Variants in C10orf90 observed in about 807,000 individuals in gnomAD.
C10orf90 encodes chromosome 10 open reading frame 90.
In C10orf90, 56 loss-of-function variants were observed where a neutral mutation model predicts 62.5. That is an observed-to-expected ratio of 0.90 (90% CI 0.72 to 1.12). The LOEUF (loss-of-function observed/expected upper bound fraction) is 1.12, where lower values mean the gene tolerates loss of function less well. Among genes scored for constraint, C10orf90 ranks in the 50% most tolerant of loss-of-function variants. C10orf90 has a pLI of 0.00. For missense variants in C10orf90, 970 were observed against 880.4 expected, an observed-to-expected ratio of 1.10 and a Z score of -1.29; for synonymous variants, 386 against 340.4, an observed-to-expected ratio of 1.13 and a Z score of -1.47.
intron 6 of C10orf90, among the ~76,000 whole-genome samples, chr10:126,459,865 A>G (rs1859850471): frequency 1.3e-5 from 2 of 152,158 alleles, no homozygotes; most frequent in African/African-American, 2.4e-5. Context: ...AAGTCTCCTG[A>G]ACAAGACTAA....
At chr10:126,433,131 T>G (rs1857689629) in intron 7 of C10orf90, among the ~76,000 whole-genome samples, 1 of 152,032 alleles carries the variant, frequency 6.6e-6, no homozygotes, top group Non-Finnish European at 1.5e-5. Context: ...GAAACTGAGT[T>G]GTAAGGGCCA....
intron 2 of C10orf90, among the ~76,000 whole-genome samples, chr10:126,519,613 T>A (rs1276938612): frequency 6.6e-6 from 1 of 152,220 alleles, no homozygotes; most frequent in Admixed American, 6.5e-5. Context: ...ACCATCCTTT[T>A]AAAAATACTC....
intron 1 of C10orf90, among the ~76,000 whole-genome samples, chr10:126,656,017 G>T (rs1846389464): frequency 6.6e-6 from 1 of 151,968 alleles, no homozygotes; most frequent in Admixed American, 6.6e-5. Flanking sequence ...CCTTTTCGTG[G>T]CTGACTTTCA....
intron 1 of C10orf90, among the ~76,000 whole-genome samples, chr10:126,646,851 T>C (rs1249673747): frequency 6.6e-6 from 1 of 152,132 alleles, no homozygotes; most frequent in East Asian, 1.9e-4. Flanking sequence ...GATTTCAAAA[T>C]GCACAGGAAA....
intron 8 of C10orf90, among the ~76,000 whole-genome samples, chr10:126,428,894 C>T (rs1015528088): frequency 9.9e-5 from 15 of 152,174 alleles, no homozygotes; most frequent in African/African-American, 3.1e-4. Context: ...TCCTCATTTT[C>T]GCTTCCTTAT....
intron 2 of C10orf90, among the ~76,000 whole-genome samples, chr10:126,609,801 G>C (rs999611663): frequency 2.0e-5 from 3 of 152,232 alleles, no homozygotes; most frequent in African/African-American, 7.2e-5. Flanking sequence ...GCATGGGCAG[G>C]GGGACTGTGG....
intron 1 of C10orf90, among the ~76,000 whole-genome samples, chr10:126,659,194 C>A (rs765102415): frequency 6.6e-6 from 1 of 152,194 alleles, no homozygotes; most frequent in African/African-American, 2.4e-5. Context: ...ACATCACCAC[C>A]AAACAGGCTG....
At chr10:126,616,527 G>A (rs1845545533) in intron 2 of C10orf90, among the ~76,000 whole-genome samples, 2 of 152,166 alleles carry the variant, frequency 1.3e-5, no homozygotes, top group Admixed American at 1.3e-4. Context: ...TGGGCCTGGG[G>A]AAGATTTCGA....
chr10:126,466,036 AT>A (rs1195725092), intron 4 of C10orf90, among the ~76,000 whole-genome samples: 1 of 148,614 alleles, frequency 6.7e-6, no homozygotes. Flanking sequence ...TGTACTCTTG[AT>A]TTTTTTAAAC....
At chr10:126,486,435 A>G (rs1452637595) in intron 4 of C10orf90, among the ~76,000 whole-genome samples, 2 of 152,228 alleles carry the variant, frequency 1.3e-5, no homozygotes, top group African/African-American at 2.4e-5. Flanking sequence ...TCTTAATAAT[A>G]TAAGAAACAA....
intron 2 of C10orf90, among the ~76,000 whole-genome samples, chr10:126,602,941 G>A (rs1055753614): frequency 3.9e-5 from 6 of 151,926 alleles, no homozygotes; most frequent in Admixed American, 2.0e-4. Context: ...TTGGCAACTC[G>A]GAGAGAGGGA....
At chr10:126,513,453 T>C (rs7894997) in intron 3 of C10orf90, among the ~76,000 whole-genome samples, 8,710 of 152,218 alleles carry the variant, frequency 0.057, 810 homozygotes, top group African/African-American at 0.2. Flanking sequence ...ATTTTATAAA[T>C]ATGACCTCTA....
chr10:126,636,101 T>C (rs1845945492), intron 2 of C10orf90, among the ~76,000 whole-genome samples: 1 of 152,144 alleles, frequency 6.6e-6, no homozygotes. Flanking sequence ...TCAAGAACAA[T>C]GACACCTTTG....
chr10:126,570,733 C>A (rs1245000339), intron 2 of C10orf90, among the ~76,000 whole-genome samples: 3 of 152,058 alleles, frequency 2.0e-5, no homozygotes, highest in Admixed American at 2.0e-4. Context: ...GAAGCAAATC[C>A]CATATTACTA....
intron 2 of C10orf90, among the ~76,000 whole-genome samples, chr10:126,610,167 G>A (rs1467637915): frequency 1.3e-5 from 2 of 152,306 alleles, no homozygotes; most frequent in East Asian, 1.9e-4. Context: ...TGTCCACAGG[G>A]CTCCCTGGCC....
chr10:126,603,579 G>C (rs1422026278), intron 2 of C10orf90, among the ~76,000 whole-genome samples: 1 of 152,152 alleles, frequency 6.6e-6, no homozygotes, highest in Non-Finnish European at 1.5e-5. Flanking sequence ...CTGATTGCTA[G>C]CTGTGTGAAC....
In C10orf90 at chr10:126,528,557, G is replaced by A. The variant is rs372229394; in HGVS notation, c.314-14618C>T. 7.9e-5 allele frequency among the ~76,000 whole-genome samples: 12 copies of A among 152,298 alleles called. No individual in the cohort carries two copies. The South Asian group carries it at 1.5e-3, about 18-fold the overall frequency. ...GAAGTTCTGAGATCATGAGAAACAC[G>A]GTTCTATTTAGAGGTCAGCAATTCT... On this transcript the variant is annotated intron_variant, in intron 2 of 9. Transcript: ENST00000488181.
intron 2 of C10orf90, among the ~76,000 whole-genome samples, chr10:126,607,126 G>A (rs535039029): frequency 6.6e-5 from 10 of 152,256 alleles, no homozygotes; most frequent in African/African-American, 2.4e-4. Context: ...CATGAATGAA[G>A]GCAGGGGCGC....
At chr10:126,628,056 A>G (rs1845781801) in intron 2 of C10orf90, among the ~76,000 whole-genome samples, 1 of 152,206 alleles carries the variant, frequency 6.6e-6, no homozygotes, top group African/African-American at 2.4e-5. Context: ...TATAAAGTAG[A>G]CATTTGTCTT....
Sources: allele counts gnomAD v4.1 joint callset (sites outside exome capture counted in the v4.1 genomes callset), GRCh38; gene constraint gnomAD v4.1.1; transcripts MANE v1.5; gene names NCBI Gene and HGNC (gene_info 2026-07-23, HGNC 2026-07-21).